The following WDFY1 variants were observed in gnomAD, a reference collection of about 807,000 sequenced individuals.
WDFY1 encodes WD repeat and FYVE domain containing 1, also known as WD repeat and FYVE domain-containing protein 1.
A neutral mutation model predicts 56.4 loss-of-function variants in WDFY1; 32 were observed. The ratio of observed to expected loss-of-function variants is 0.57; its 90% CI spans 0.43 to 0.76. WDFY1 has a LOEUF of 0.76. Ranked by LOEUF, WDFY1 falls within the 30% of genes least tolerant of loss-of-function variation. The probability of loss-of-function intolerance (pLI) is 0.00; values close to 1 mark genes in which losing one functional copy is unlikely to be tolerated. For missense variants in WDFY1, 480 were observed against 545.7 expected (o/e 0.88, Z 1.20); for synonymous variants, 192 against 197.3 (o/e 0.97, Z 0.23).
chr2:223,902,217 T>C (rs1466028775), intron 4 of WDFY1, among the ~76,000 whole-genome samples: 1 of 152,224 alleles, frequency 6.6e-6, no homozygotes, highest in Admixed American at 6.5e-5. Context: ...CACTGAACAA[T>C]TAAATACTCA....
chr2:223,941,437 G>A (rs988011981), intron 1 of WDFY1, among the ~76,000 whole-genome samples: 1 of 151,846 alleles, frequency 6.6e-6, no homozygotes, highest in East Asian at 1.9e-4. Context: ...CCTCTGCCTG[G>A]GATGAGGGTG....
intron 7 of WDFY1, 62 bp downstream of exon 7, chr2:223,895,442 T>G: frequency 6.2e-7 from 1 of 1,611,638 alleles, no homozygotes; most frequent in Admixed American, 1.7e-5. Flanking sequence ...AGACTATTAA[T>G]GCCTTTCACT....
rs192178688 is a variant in WDFY1 at position 223,926,253 on chromosome 2, C to G, written c.138-8243G>C. Among the ~76,000 whole-genome samples, 507 of 151,856 alleles carry G rather than the reference C, an allele frequency of 3.3e-3. 4 individuals carry two copies. Among genetic ancestry groups the G allele is most frequent in the Non-Finnish European group, 6.2e-3 (420 of 67,890 alleles). ...CCTATGCTTCCCAGGCTCCAGGGAT[C>G]CTCCCACCTCAGGTTCCCCAGTAAC... On this transcript the variant is annotated intron_variant, in intron 1 of 11. Transcript: ENST00000233055.
intron 1 of WDFY1, among the ~76,000 whole-genome samples, chr2:223,922,021 C>T (rs1345763002): frequency 6.6e-6 from 1 of 152,168 alleles, no homozygotes; most frequent in Non-Finnish European, 1.5e-5. Context: ...TGCTCAGAAC[C>T]CACCAGTGGT....
intron 1 of WDFY1, 70 bp from the exon 2 acceptor site, chr2:223,918,080 T>C: frequency 1.3e-6 from 2 of 1,536,300 alleles, no homozygotes; most frequent in South Asian, 2.4e-5. Context: ...CATGAGAACT[T>C]AATTTTTAAA....
chr2:223,933,929 A>C lies in WDFY1; in HGVS notation c.137+11219T>G, dbSNP rs1486011939. Among the ~76,000 whole-genome samples, 9 of 119,864 alleles carry C rather than the reference A, an allele frequency of 7.5e-5. No homozygotes were observed. In the Admixed American group the frequency reaches 8.8e-4, roughly 12 times the overall value. The allele number at this position is 119,864 out of a possible 152,430, so 78.6% of individuals were successfully genotyped here. On this transcript the variant is annotated intron_variant, in intron 1 of 11. Transcript: ENST00000233055. The stretch of plus-strand genomic sequence containing the variant: ...GTGAGCTCTGATTGTGCCACTGCAC[A>C]CCAGCCTGGGAGACAGAGTGAGACC...
At chr2:223,892,690 A>C (rs1279938295) in intron 8 of WDFY1, among the ~76,000 whole-genome samples, 1 of 152,244 alleles carries the variant, frequency 6.6e-6, no homozygotes, top group African/African-American at 2.4e-5. Context: ...CACAAAGCAG[A>C]CACATGTGCA....
chr2:223,882,731 T>A, intron 9 of WDFY1, among the ~76,000 whole-genome samples: 1 of 2,446 alleles, frequency 4.1e-4, no homozygotes, highest in African/African-American at 5.3e-4. Flanking sequence ...TTATTATTAT[T>A]TTTTTTTTCA....
chr2:223,878,758 G>C, intron 11 of WDFY1, 28 bp from the exon 12 acceptor site: 1 of 1,613,890 alleles, frequency 6.2e-7, no homozygotes, highest in Non-Finnish European at 8.5e-7. Context: ...ACGCAGAAAA[G>C]GCAGCAGTGA....
intron 1 of WDFY1, among the ~76,000 whole-genome samples, chr2:223,920,371 C>T (rs1441628447): frequency 1.3e-5 from 2 of 152,338 alleles, no homozygotes; most frequent in East Asian, 3.9e-4. Context: ...GGGATGTTCC[C>T]TGGTGGCCAA....
Position 223,942,913 on chromosome 2 carries a change from T to C in WDFY1, c.137+2235A>G, listed in dbSNP as rs79696904. ...AGTCATTATTCTGGCCGGACACCAGTGGATCATGCTTGTAATCCCAACACT... is the reference window on the plus strand; with the variant it reads ...AGTCATTATTCTGGCCGGACACCAGCGGATCATGCTTGTAATCCCAACACT... On this transcript the variant is annotated intron_variant, in intron 1 of 11. Transcript: ENST00000233055. Among the ~76,000 whole-genome samples, 178 of 151,366 alleles carry C rather than the reference T, an allele frequency of 1.2e-3. 3 individuals are homozygous for C. The East Asian group carries it at 0.029, about 25-fold the overall frequency.
intron 9 of WDFY1, among the ~76,000 whole-genome samples, chr2:223,883,445 G>A (rs913592154): frequency 5.9e-5 from 9 of 152,056 alleles, no homozygotes; most frequent in African/African-American, 2.2e-4. Context: ...TAGAAGTAGG[G>A]AATACTTCAC....
intron 1 of WDFY1, among the ~76,000 whole-genome samples, chr2:223,922,626 T>G (rs529701078): frequency 6.6e-6 from 1 of 152,304 alleles, no homozygotes; most frequent in East Asian, 1.9e-4. Context: ...GCTGACATGT[T>G]CTAAAACTCT....
chr2:223,880,480 G>A (rs541659437), intron 10 of WDFY1, among the ~76,000 whole-genome samples: 168 of 151,958 alleles, frequency 1.1e-3, no homozygotes, highest in South Asian at 8.1e-3. Context: ...GGTGGCACAC[G>A]CCTGTAATCC....
intron 1 of WDFY1, among the ~76,000 whole-genome samples, chr2:223,929,929 G>A (rs935500533): frequency 6.6e-6 from 1 of 152,176 alleles, no homozygotes; most frequent in Non-Finnish European, 1.5e-5. Context: ...GCCTTATGTG[G>A]TAAGTAAGTA....
At chr2:223,935,541 T>C (rs1694154861) in intron 1 of WDFY1, among the ~76,000 whole-genome samples, 1 of 152,202 alleles carries the variant, frequency 6.6e-6, no homozygotes. Context: ...ATTCATTATA[T>C]TACCATCTGC....
At position 223,945,322 on chromosome 2, in the gene WDFY1, GC is replaced by G. The variant is rs1014355114; in HGVS notation, c.-39del. ...ACTGCTGCGGCCTCCTCGGCAGGCAGCCCATCAGCTGACGCCTGGGCGGGCG... is the reference window on the plus strand; with the variant it reads ...ACTGCTGCGGCCTCCTCGGCAGGCAGCCATCAGCTGACGCCTGGGCGGGCG... On this transcript the variant is annotated 5_prime_UTR_variant, in exon 1 of 12. Coordinates refer to ENST00000233055, the MANE Select transcript of WDFY1 (RefSeq NM_020830.5). The G allele has an allele frequency of 6.5e-7, 1 of 1,536,926 alleles. No homozygotes were observed. Among genetic ancestry groups the G allele is most frequent in the African/African-American group, 1.4e-5 (1 of 69,990 alleles).
intron 1 of WDFY1, among the ~76,000 whole-genome samples, chr2:223,920,315 G>C (rs1192939161): frequency 6.6e-6 from 1 of 152,240 alleles, no homozygotes; most frequent in Admixed American, 6.5e-5. Flanking sequence ...CCAGCAGGCT[G>C]GGCCCACGCG....
Position 223,940,097 on chromosome 2 carries a change from G to C in WDFY1, c.137+5051C>G, listed in dbSNP as rs374426198. Among the ~76,000 whole-genome samples, 13 of 152,302 alleles carry C rather than the reference G, an allele frequency of 8.5e-5. No homozygotes were observed. The East Asian group carries it at 1.5e-3, about 18-fold the overall frequency. ...GTACTTTGGGAGGCCGAGGCGGGTG[G>C]ATCACGAGGTTTGGAGTTCAAGACC... On this transcript the variant is annotated intron_variant, in intron 1 of 11. Coordinates refer to ENST00000233055, the MANE Select transcript of WDFY1 (RefSeq NM_020830.5).
Sources: gnomAD v4.1 joint callset for allele counts (sites outside exome capture counted in the v4.1 genomes callset) on GRCh38, gnomAD v4.1.1 for gene constraint, MANE v1.5 for transcripts, NCBI Gene and HGNC (gene_info 2026-07-23, HGNC 2026-07-21) for gene names.